Variants in SOCS5 observed in about 807,000 individuals in gnomAD.
The protein encoded by SOCS5 is CIS-6.
SOCS5 carries 32 observed loss-of-function variants against 42.8 expected under a neutral mutation model. The observed-to-expected ratio is 0.75, with a 90% CI of 0.56 to 1.01. SOCS5 has a LOEUF of 1.01. Among genes scored for constraint, SOCS5 ranks in the 50% least tolerant of loss-of-function variants. The pLI is 0.00. For missense variants in SOCS5, 627 were observed against 653.0 expected (o/e 0.96, Z 0.43); for synonymous variants, 283 against 229.6 (o/e 1.23, Z -2.10).
chr2:46,705,067 T>C (rs954072706), intron 1 of SOCS5, among the ~76,000 whole-genome samples: 3 of 152,222 alleles, frequency 2.0e-5, no homozygotes, highest in Non-Finnish European at 2.9e-5. Context: ...TTGCTGTAAT[T>C]GTCACTATTT....
chr2:46,733,613 G>A (rs966400217), intron 1 of SOCS5, among the ~76,000 whole-genome samples: 2 of 146,686 alleles, frequency 1.4e-5, no homozygotes, highest in African/African-American at 5.0e-5. Flanking sequence ...ACCATTGTAA[G>A]GGATGAATAA....
At chr2:46,747,292 C>G (rs1673524398) in intron 1 of SOCS5, among the ~76,000 whole-genome samples, 1 of 152,078 alleles carries the variant, frequency 6.6e-6, no homozygotes, top group Non-Finnish European at 1.5e-5. Context: ...GCAGTCACAG[C>G]TCACTGCAGC....
chr2:46,709,180 A>G (rs946093248), intron 1 of SOCS5, among the ~76,000 whole-genome samples: 1 of 152,086 alleles, frequency 6.6e-6, no homozygotes, highest in African/African-American at 2.4e-5. Flanking sequence ...CTTCTTTACT[A>G]TCTATTCCAG....
intron 1 of SOCS5, among the ~76,000 whole-genome samples, chr2:46,723,286 T>G (rs1252347613): frequency 1.3e-5 from 2 of 152,072 alleles, no homozygotes; most frequent in African/African-American, 4.8e-5. Context: ...TAGGTTGGCA[T>G]TCTACAAAAC....
At chr2:46,736,512 C>A (rs1340346830) in intron 1 of SOCS5, among the ~76,000 whole-genome samples, 1 of 152,154 alleles carries the variant, frequency 6.6e-6, no homozygotes, top group Non-Finnish European at 1.5e-5. Flanking sequence ...TGGAAACTAC[C>A]ATTCTACTGT....
chr2:46,710,300 C>A (rs1672589007), intron 1 of SOCS5, among the ~76,000 whole-genome samples: 2 of 152,104 alleles, frequency 1.3e-5, no homozygotes, highest in Non-Finnish European at 2.9e-5. Context: ...GTGTGTGCCA[C>A]CACTCCCAGC....
chr2:46,720,987 C>G (rs1672871559), intron 1 of SOCS5, among the ~76,000 whole-genome samples: 1 of 152,082 alleles, frequency 6.6e-6, no homozygotes, highest in Non-Finnish European at 1.5e-5. Context: ...CCTGCCTGCT[C>G]CTGCTTTCTT....
chr2:46,747,713 T>G (rs1294067972), intron 1 of SOCS5, among the ~76,000 whole-genome samples: 1 of 152,186 alleles, frequency 6.6e-6, no homozygotes, highest in Non-Finnish European at 1.5e-5. Flanking sequence ...GTTTCTAAGC[T>G]GCTATGCCCT....
intron 1 of SOCS5, among the ~76,000 whole-genome samples, chr2:46,717,767 T>C (rs1672782628): frequency 6.6e-6 from 1 of 152,178 alleles, no homozygotes; most frequent in Non-Finnish European, 1.5e-5. Flanking sequence ...GTTGAAAGCA[T>C]GGGGTATTCA....
intron 1 of SOCS5, among the ~76,000 whole-genome samples, chr2:46,725,661 G>GT (rs1454501557): frequency 2.6e-5 from 4 of 151,836 alleles, no homozygotes; most frequent in Non-Finnish European, 4.4e-5. Flanking sequence ...AATGGGTACT[G>GT]TTTTTTTGTT....
At chr2:46,742,100 A>T (rs1212343031) in intron 1 of SOCS5, among the ~76,000 whole-genome samples, 1 of 152,250 alleles carries the variant, frequency 6.6e-6, no homozygotes, top group Non-Finnish European at 1.5e-5. Context: ...TTGATAAGTG[A>T]TAAATTTGTA....
intron 1 of SOCS5, among the ~76,000 whole-genome samples, chr2:46,729,006 C>T (rs1673054698): frequency 6.6e-6 from 1 of 152,202 alleles, no homozygotes; most frequent in African/African-American, 2.4e-5. Context: ...TCTACTGAAT[C>T]AGAAATTCTG....
intron 1 of SOCS5, among the ~76,000 whole-genome samples, chr2:46,718,396 T>A (rs537606345): frequency 6.6e-6 from 1 of 152,260 alleles, no homozygotes; most frequent in East Asian, 1.9e-4. Context: ...GCTTTATTTT[T>A]AAAAATCATG....
Position 46,710,726 on chromosome 2 carries a change from A to G in SOCS5, c.-13+11277A>G, listed in dbSNP as rs192963598. Among the ~76,000 whole-genome samples, 21 of 152,348 alleles carry G rather than the reference A, an allele frequency of 1.4e-4. No individual in the cohort carries two copies. The East Asian group carries it at 3.7e-3, about 27-fold the overall frequency. On this transcript the variant is annotated intron_variant, in intron 1 of 1. Coordinates refer to ENST00000394861, the MANE Select transcript of SOCS5 (RefSeq NM_144949.3). ...AAAATTTAAAGATCTAAATAGGGAT[A>G]TACCAGGTTCAAGATGTACCTAAGT...
intron 1 of SOCS5, among the ~76,000 whole-genome samples, chr2:46,721,589 T>G (rs1672886072): frequency 6.6e-6 from 1 of 152,194 alleles, no homozygotes; most frequent in East Asian, 1.9e-4. Context: ...AGACTTATAT[T>G]TAATACGTTA....
intron 1 of SOCS5, among the ~76,000 whole-genome samples, chr2:46,724,396 G>A (rs1424428089): frequency 1.3e-5 from 2 of 151,950 alleles, no homozygotes; most frequent in African/African-American, 4.8e-5. Flanking sequence ...GACGTTAGCT[G>A]TAGGCATGTC....
chr2:46,701,588 G>A (rs1672344647), intron 1 of SOCS5, among the ~76,000 whole-genome samples: 1 of 151,804 alleles, frequency 6.6e-6, no homozygotes, highest in Admixed American at 6.6e-5. Context: ...ATGGTTTTTG[G>A]ATTATTTGTG....
chr2:46,724,239 T>A (rs1289158357), intron 1 of SOCS5, among the ~76,000 whole-genome samples: 2 of 151,680 alleles, frequency 1.3e-5, no homozygotes, highest in Non-Finnish European at 3.0e-5. Context: ...TTTTTTTTTT[T>A]CTTCTTGCTT....
At chr2:46,726,669 A>G (rs1260961774) in intron 1 of SOCS5, among the ~76,000 whole-genome samples, 4 of 151,858 alleles carry the variant, frequency 2.6e-5, no homozygotes, top group Admixed American at 6.6e-5. Flanking sequence ...TGACTTTCCT[A>G]TGTCATCTCC....
Sources: allele counts gnomAD v4.1 joint callset (sites outside exome capture counted in the v4.1 genomes callset), GRCh38; gene constraint gnomAD v4.1.1; transcripts MANE v1.5; gene names NCBI Gene and HGNC (gene_info 2026-07-23, HGNC 2026-07-21).